SHPRH: variants seen among roughly 807,000 people sequenced by gnomAD.
The protein encoded by SHPRH is SNF2 histone linker PHD RING helicase, also known as E3 ubiquitin-protein ligase SHPRH.
In SHPRH, 106 loss-of-function variants were observed where a neutral mutation model predicts 202.5. The observed-to-expected ratio is 0.52, with a 90% CI of 0.45 to 0.62. SHPRH has a LOEUF of 0.62. SHPRH is among the 20% of genes least tolerant of loss of function. The probability of loss-of-function intolerance (pLI) is 0.00; values close to 1 mark genes in which losing one functional copy is unlikely to be tolerated. For synonymous variants in SHPRH, 729 were observed against 686.0 expected (o/e 1.06, Z -0.98); for missense variants, 1,710 against 2,020.0 (o/e 0.85, Z 2.94).
At chr6:145,871,725 G>A (rs1468119365) in intron 2 of SHPRH, among the ~76,000 whole-genome samples, 1 of 152,122 alleles carries the variant, frequency 6.6e-6, no homozygotes, top group Non-Finnish European at 1.5e-5. Context: ...CCAAAAAAGA[G>A]CCTGAATACT....
intron 2 of SHPRH, among the ~76,000 whole-genome samples, chr6:145,868,488 TG>T (rs1376892843): frequency 9.9e-5 from 15 of 152,074 alleles, no homozygotes; most frequent in African/African-American, 3.6e-4. Flanking sequence ...AAAATGTATT[TG>T]GGGGTAGAAT....
At chr6:145,870,658 T>C (rs1169397849) in intron 2 of SHPRH, among the ~76,000 whole-genome samples, 2 of 152,206 alleles carry the variant, frequency 1.3e-5, no homozygotes, top group African/African-American at 4.8e-5. Context: ...TTTTGTTGTG[T>C]AGCATTAGCT....
intron 2 of SHPRH, among the ~76,000 whole-genome samples, chr6:145,875,486 C>G (rs1330462533): frequency 6.6e-6 from 1 of 152,156 alleles, no homozygotes; most frequent in Non-Finnish European, 1.5e-5. Context: ...TTGTTCTACT[C>G]AATATTTGAA....
chr6:145,933,267 G>A, intron 13 of SHPRH, 89 bp from the exon 14 acceptor site: 3 of 1,541,018 alleles, frequency 1.9e-6, no homozygotes, highest in Non-Finnish European at 1.8e-6. Context: ...GATCAAGAGT[G>A]TATGAGACTC....
intron 25 of SHPRH, among the ~76,000 whole-genome samples, chr6:145,902,151 A>G (rs1782559148): frequency 6.6e-6 from 1 of 152,140 alleles, no homozygotes; most frequent in South Asian, 2.1e-4. Context: ...AAAATAAAGT[A>G]CAAAGTTAAA....
Position 145,946,339 on chromosome 6 carries a change from T to C in SHPRH, c.1215A>G (p.Gly405=), listed in dbSNP as rs1787370959. 1 of 1,601,634 alleles carries C rather than the reference T, an allele frequency of 6.2e-7. No individual in the cohort carries two copies. ...ACGGAATAAAATAATTCACCACTTT[T>C]CCCTGATACAAACAACAGTCAGTAG... ...VKQDALTLPE[G]KVVNYFIPSH... is the part of the protein sequence containing the mutation. Residue 405 remains glycine, a splice_region_variant and synonymous_variant, in exon 7 of 30, where the codon GGA becomes GGG. Coordinates refer to ENST00000275233, the MANE Select transcript of SHPRH (RefSeq NM_001042683.3).
At chr6:145,953,599 T>C (rs773174525) in intron 2 of SHPRH, among the ~76,000 whole-genome samples, 1 of 152,088 alleles carries the variant, frequency 6.6e-6, no homozygotes, top group African/African-American at 2.4e-5. Flanking sequence ...TAACTAAGGT[T>C]ATCGATGCAA....
intron 14 of SHPRH, among the ~76,000 whole-genome samples, chr6:145,932,769 G>T (rs1054967444): frequency 6.6e-6 from 1 of 152,034 alleles, no homozygotes; most frequent in Non-Finnish European, 1.5e-5. Flanking sequence ...AACTATTAAA[G>T]TCTAAGATTA....
chr6:145,935,879 T>G lies in SHPRH; in HGVS notation c.2570-438A>C, dbSNP rs112967712. The G allele has an allele frequency of 8.2e-3, 1,267 of 155,114 alleles. 10 individuals carry two copies. The highest frequency in any genetic ancestry group is 0.029 in the African/African-American group (1,199 of 41,582). 9.6% of individuals were successfully genotyped at this position (155,114 alleles called of 1,614,324 possible). A position where few individuals can be genotyped will look rare whatever the true frequency, so the allele number is the denominator to read the frequency against. ...GAAGAATATTCTCTGATGCAATATT[T>G]CTCATACCCTTTATCTAATAATTCT... On this transcript the variant is annotated intron_variant, in intron 11 of 29. Coordinates refer to ENST00000275233, the MANE Select transcript of SHPRH (RefSeq NM_001042683.3).
chr6:145,950,391 C>A lies in SHPRH; in HGVS notation c.855G>T (p.Gln285His). ...CCACTTGGATGGACTGCGTTTCTTGCTGATGTGTTTGTTTCACAAAGTGAT... is the reference window on the plus strand; with the variant it reads ...CCACTTGGATGGACTGCGTTTCTTGATGATGTGTTTGTTTCACAAAGTGAT... Reference protein sequence around the residue: ...ELYHFVKQTHQQETQSIQVDV... With the variant: ...ELYHFVKQTHHQETQSIQVDV... The change falls in exon 4 of 30, where the codon CAG becomes CAT. Residue 285 changes from glutamine (Q) to histidine (H), a missense_variant. By Grantham distance (24) the Gln-to-His change is conservative. Around this residue, in one of 8 missense-constraint regions of SHPRH, gnomAD observed 459 missense variants for 426.5 expected, o/e 1.08. Transcript: ENST00000275233. 1 of 1,613,322 alleles carries A rather than the reference C, an allele frequency of 6.2e-7. No homozygotes were observed. The highest frequency in any genetic ancestry group is 8.5e-7 in the Non-Finnish European group (1 of 1,179,476).
intron 9 of SHPRH, among the ~76,000 whole-genome samples, chr6:145,942,732 T>C (rs1157914528): frequency 1.3e-5 from 2 of 152,164 alleles, no homozygotes; most frequent in African/African-American, 4.8e-5. Flanking sequence ...AAATTCTTAT[T>C]TTACAGCTGA....
At chr6:145,936,978 C>CTTCTTTTT (rs1390044172) in intron 11 of SHPRH, among the ~76,000 whole-genome samples, 1 of 125,662 alleles carries the variant, frequency 8.0e-6, no homozygotes, top group African/African-American at 3.0e-5. Flanking sequence ...CATGCTTCAT[C>CTTCTTTTT]TTTTTTTTTT....
chr6:145,927,399 A>G, intron 14 of SHPRH, 122 bp from the exon 15 acceptor site: 1 of 910,846 alleles, frequency 1.1e-6, no homozygotes, highest in Middle Eastern at 2.6e-4. Flanking sequence ...ACTTTTTTTA[A>G]GTAAAGAAAT....
At chr6:145,890,723 C>A (rs911406485) in intron 28 of SHPRH, among the ~76,000 whole-genome samples, 29 of 152,124 alleles carry the variant, frequency 1.9e-4, no homozygotes, top group African/African-American at 6.8e-4. Flanking sequence ...GAATAGAAAT[C>A]TCCATTTGGA....
chr6:145,917,797 T>C lies in SHPRH; in HGVS notation c.4254+334A>G, dbSNP rs115516513. 601 of 177,654 alleles carry C rather than the reference T, an allele frequency of 3.4e-3. 3 individuals are homozygous for C. The highest frequency in any genetic ancestry group is 0.012 in the Middle Eastern group (5 of 422). The allele number at this position is 177,654 out of a possible 1,614,324, so 11.0% of individuals were successfully genotyped here. ...TAACAAATTACAACATATTTTTGTA[T>C]TGATGAATGAATGCATGTGTATAAA... On this transcript the variant is annotated intron_variant, in intron 23 of 29. Coordinates refer to ENST00000275233, the MANE Select transcript of SHPRH (RefSeq NM_001042683.3).
chr6:145,947,820 C>CA (rs891925478), intron 5 of SHPRH, among the ~76,000 whole-genome samples, 177 bp from the exon 6 acceptor site: 1 of 151,614 alleles, frequency 6.6e-6, no homozygotes, highest in East Asian at 1.9e-4. Context: ...CTGTGATAAC[C>CA]AAAAAAACTG....
At chr6:145,901,883 A>G (rs571028376) in intron 25 of SHPRH, among the ~76,000 whole-genome samples, 88 of 152,172 alleles carry the variant, frequency 5.8e-4, no homozygotes, top group African/African-American at 2.1e-3. Flanking sequence ...CTGAAACATT[A>G]ATGACCAAGG....
chr6:145,866,761 G>A (rs1286811793), intron 2 of SHPRH, among the ~76,000 whole-genome samples: 1 of 152,190 alleles, frequency 6.6e-6, no homozygotes, highest in African/African-American at 2.4e-5. Context: ...GCTTAAAGGA[G>A]ACTGGAAGAT....
At chr6:145,893,576 A>G (rs1013484606) in intron 27 of SHPRH, among the ~76,000 whole-genome samples, 183 bp from the exon 28 acceptor site, 19 of 152,300 alleles carry the variant, frequency 1.2e-4, no homozygotes, top group African/African-American at 4.6e-4. Flanking sequence ...TTTAATTATG[A>G]AGAAAAGTAT....
Sources: gnomAD v4.1 joint callset for allele counts (sites outside exome capture counted in the v4.1 genomes callset) on GRCh38, gnomAD v4.1.1 for gene constraint, gnomAD v4.1.1 regional missense constraint, MANE v1.5 for transcripts, NCBI Gene and HGNC (gene_info 2026-07-23, HGNC 2026-07-21) for gene names.